SECISBP2L: variants seen among roughly 807,000 people sequenced by gnomAD.
SECISBP2L encodes SECIS binding protein 2 like.
A neutral mutation model predicts 114.7 loss-of-function variants in SECISBP2L; 43 were observed. The ratio of observed to expected loss-of-function variants is 0.38; its 90% CI spans 0.29 to 0.48. The LOEUF (loss-of-function observed/expected upper bound fraction) is 0.48, where lower values mean the gene tolerates loss of function less well. Among genes scored for constraint, SECISBP2L ranks in the 20% least tolerant of loss-of-function variants. The pLI is 0.98. For missense variants in SECISBP2L, 1,136 were observed against 1,301.1 expected, an observed-to-expected ratio of 0.87 and a Z score of 1.95; for synonymous variants, 451 against 439.7, an observed-to-expected ratio of 1.03 and a Z score of -0.32.
Position 49,009,289 on chromosome 15 carries a change from G to A in SECISBP2L, c.1954C>T (p.Pro652Ser), listed in dbSNP as rs895465618. ...GGACTGCCTATTCCAGAACTAGCAG[G>A]AGAGCCTTGTGACACAGGTGTCATA... ...YCMTPVSQGS[P>S]ASSGIGSPMA... Residue 652 changes from proline (P) to serine (S), a missense_variant, in exon 14 of 18, where the codon CCT becomes TCT. Physicochemically the swap from Pro to Ser is moderately conservative, Grantham distance 74. Around this residue, in one of 2 missense-constraint regions of SECISBP2L, gnomAD observed 684 missense variants for 848.7 expected, o/e 0.81. Transcript: ENST00000559471. 1.1e-5 allele frequency: 18 copies of A among 1,614,122 alleles called. No homozygotes were observed. The highest frequency in any genetic ancestry group is 2.2e-5 in the East Asian group (1 of 44,874).
At chr15:49,045,114 G>A (rs1489092497) in intron 1 of SECISBP2L, among the ~76,000 whole-genome samples, 3 of 151,916 alleles carry the variant, frequency 2.0e-5, no homozygotes, top group Non-Finnish European at 4.4e-5. Context: ...ATTTCTCTTT[G>A]GTAATTCCAT....
Position 49,035,611 on chromosome 15 carries a change from G to A in SECISBP2L, c.251C>T (p.Pro84Leu), listed in dbSNP as rs970042405. 6.2e-7 allele frequency: 1 copy of A among 1,613,934 alleles called. No homozygotes were observed. The highest frequency in any genetic ancestry group is 8.5e-7 in the Non-Finnish European group (1 of 1,179,956). Residue 84 changes from proline (P) to leucine (L), a missense_variant, in exon 3 of 18, where the codon CCA becomes CTA. By Grantham distance (98) the Pro-to-Leu change is moderately conservative. Around this residue, in one of 2 missense-constraint regions of SECISBP2L, gnomAD observed 452 missense variants for 452.3 expected, o/e 1.00. Coordinates refer to ENST00000559471, the MANE Select transcript of SECISBP2L (RefSeq NM_001193489.2). ...GGCAAAGTATGGTCCAGTAGGGTTT[G>A]GATTGGGTTGTTGCCATCGTATATC... Reference protein sequence around the residue: ...NNDIRWQQPNPNPTGPYFAYP... With the variant: ...NNDIRWQQPNLNPTGPYFAYP...
chr15:49,016,443 C>A, intron 11 of SECISBP2L, 117 bp downstream of exon 11: 1 of 663,512 alleles, frequency 1.5e-6, no homozygotes, highest in South Asian at 3.5e-5. Context: ...CATATATATA[C>A]ACACACACAC....
At chr15:48,999,085 C>T (rs1902152084) in intron 16 of SECISBP2L, among the ~76,000 whole-genome samples, 1 of 152,090 alleles carries the variant, frequency 6.6e-6, no homozygotes, top group African/African-American at 2.4e-5. Flanking sequence ...TATTTATATG[C>T]TCATAGAGCA....
chr15:49,006,769 T>C (rs1902332020), intron 14 of SECISBP2L, among the ~76,000 whole-genome samples: 1 of 152,160 alleles, frequency 6.6e-6, no homozygotes, highest in Non-Finnish European at 1.5e-5. Context: ...AGTTTGTTAT[T>C]ACCCACCTTC....
chr15:49,005,926 G>A (rs1902314765), intron 14 of SECISBP2L, among the ~76,000 whole-genome samples: 1 of 151,906 alleles, frequency 6.6e-6, no homozygotes, highest in South Asian at 2.1e-4. Flanking sequence ...CTTCCTTCAG[G>A]AGCTCTTGTA....
intron 7 of SECISBP2L, among the ~76,000 whole-genome samples, chr15:49,020,134 C>T (rs1902612236): frequency 1.3e-5 from 2 of 152,122 alleles, no homozygotes; most frequent in South Asian, 2.1e-4. Flanking sequence ...TTGACTGTAT[C>T]GAGGCCAATA....
chr15:49,016,474 A>G, intron 11 of SECISBP2L, 86 bp downstream of exon 11: 1 of 1,210,960 alleles, frequency 8.3e-7, no homozygotes, highest in Non-Finnish European at 1.2e-6. Flanking sequence ...ACACATACAT[A>G]TATAAAATTT....
intron 1 of SECISBP2L, among the ~76,000 whole-genome samples, chr15:49,044,195 T>G (rs1348261144): frequency 4.6e-5 from 7 of 152,106 alleles, no homozygotes; most frequent in Non-Finnish European, 8.8e-5. Context: ...AAATGGAAAT[T>G]GACACATATT....
Position 49,011,786 on chromosome 15 carries a change from T to C in SECISBP2L, c.1809A>G (p.Thr603=). 6.2e-7 allele frequency: 1 copy of C among 1,614,158 alleles called. No homozygotes were observed. Among genetic ancestry groups the C allele is most frequent in the Non-Finnish European group, 8.5e-7 (1 of 1,180,000 alleles). Residue 603 remains threonine (T), a synonymous_variant, in exon 13 of 18, where the codon ACA becomes ACG. Coordinates refer to ENST00000559471, the MANE Select transcript of SECISBP2L (RefSeq NM_001193489.2). ...DHNLLGSEEP[T]EMHLDFIDDL... ...CATCAATAAAATCTAAGTGCATTTC[T>C]GTTGGTTCCTCGGATCCCAAAAGAT...
In SECISBP2L at chr15:48,989,543, C is replaced by G. The variant is rs1212955384; in HGVS notation, c.*2701G>C. 1 of 152,488 alleles carries G rather than the reference C, an allele frequency of 6.6e-6. No homozygotes were observed. The highest frequency in any genetic ancestry group is 1.5e-5 in the Non-Finnish European group (1 of 67,992). 9.4% of individuals were successfully genotyped at this position (152,488 alleles called of 1,614,324 possible). On this transcript the variant is annotated 3_prime_UTR_variant, in exon 18 of 18. Transcript: ENST00000559471. ...AAACATATTTAAACCGAAAATTAAG[C>G]TAATATGAACATCTGTCTTTTGAGA... is the stretch of plus-strand genomic sequence containing the variant.
chr15:49,042,565 A>C (rs1024322438), intron 1 of SECISBP2L: 2 of 152,270 alleles, frequency 1.3e-5, no homozygotes, highest in African/African-American at 2.4e-5. Context: ...AGTCCAGAAC[A>C]CCGAGGTAGG....
At position 49,012,720 on chromosome 15, in the gene SECISBP2L, A is replaced by C; in HGVS notation, c.1659T>G (p.Ile553Met). ...TTCCTTTTTTTGCTTTAGAAGAAGC[A>C]ATGTCCACAGAATTAAAGGATGTCA... is the stretch of plus-strand genomic sequence containing the variant. ...PCLTSFNSVD[I>M]ASSKAKKGKE... Residue 553 changes from isoleucine to methionine, a missense_variant, in exon 12 of 18, where the codon ATT becomes ATG. Ile to Met is a conservative substitution (Grantham distance 10). Coordinates refer to ENST00000559471, the MANE Select transcript of SECISBP2L (RefSeq NM_001193489.2). The C allele has an allele frequency of 6.2e-7, 1 of 1,613,944 alleles. No individual in the cohort carries two copies. Among genetic ancestry groups the C allele is most frequent in the Non-Finnish European group, 8.5e-7 (1 of 1,179,938 alleles).
chr15:49,038,357 A>C (rs1420994625), intron 1 of SECISBP2L, among the ~76,000 whole-genome samples: 1 of 152,060 alleles, frequency 6.6e-6, no homozygotes, highest in Non-Finnish European at 1.5e-5. Flanking sequence ...AACTAAAGTA[A>C]TCCAAGATAT....
chr15:49,037,599 C>T lies in SECISBP2L; in HGVS notation c.195G>A (p.Gln65=), dbSNP rs763018307. 3.6e-5 allele frequency: 58 copies of T among 1,612,714 alleles called. No homozygotes were observed. The highest frequency in any genetic ancestry group is 3.2e-4 in the Admixed American group (19 of 59,878). ...AAAAATAAACAAATTACCTATTGGA[C>T]TGGTTTTCCTGCACAAATGGGTAAC... The part of the protein sequence containing the change: ...ITCYPFVQEN[Q]SNRQFPLYNN... Residue 65 remains glutamine, a synonymous_variant, in exon 2 of 18, where the codon CAG becomes CAA. Transcript: ENST00000559471.
In SECISBP2L at chr15:48,996,492, G is replaced by C. The variant is rs748196694; in HGVS notation, c.2498C>G (p.Ala833Gly). Residue 833 changes from alanine (A) to glycine (G), a missense_variant, in exon 17 of 18, where the codon GCC (alanine) becomes GGC (glycine). Ala to Gly is a moderately conservative substitution (Grantham distance 60, BLOSUM62 0). Around this residue, in one of 2 missense-constraint regions of SECISBP2L, gnomAD observed 684 missense variants for 848.7 expected, o/e 0.81. Transcript: ENST00000559471. ...AAMEQEQAEE[A>G]LKNVKKVPHH... is the part of the protein sequence containing the mutation. ...TGGTACCTTCTTCACATTCTTTAAG[G>C]CTTCCTCAGCCTGCTCCTGTTCCAT... 6.2e-6 allele frequency: 10 copies of C among 1,613,886 alleles called. No individual in the cohort carries two copies. The highest frequency in any genetic ancestry group is 8.5e-6 in the Non-Finnish European group (10 of 1,179,972).
chr15:48,999,692 A>C, intron 16 of SECISBP2L, 141 bp downstream of exon 16: 2 of 883,876 alleles, frequency 2.3e-6, no homozygotes, highest in Non-Finnish European at 3.3e-6. Context: ...TGTAATACTC[A>C]AAAAATTTCC....
rs148231815 is a variant in SECISBP2L at position 49,044,194 on chromosome 15, T to C, written c.24+2082A>G. ...AACATTCTGTGAGGAAAAATGGAAA[T>C]TGACACATATTACATATACTTTTCA... On this transcript the variant is annotated intron_variant, in intron 1 of 17. Transcript: ENST00000559471. Among the ~76,000 whole-genome samples the C allele has an allele frequency of 4.3e-3, 659 of 152,212 alleles. 5 individuals are homozygous for C. Among genetic ancestry groups the C allele is most frequent in the South Asian group, 0.017 (84 of 4,820 alleles).
rs1432890591 is a variant in SECISBP2L at position 49,019,479 on chromosome 15, T to C, written c.1109A>G (p.Lys370Arg). The C allele has an allele frequency of 6.6e-7, 1 of 1,513,018 alleles. No individual in the cohort carries two copies. Among genetic ancestry groups the C allele is most frequent in the East Asian group, 2.6e-5 (1 of 38,960 alleles). The allele number at this position is 1,513,018 out of a possible 1,614,324, so 93.7% of individuals were successfully genotyped here. The change falls in exon 8 of 18, where the codon AAG (lysine) becomes AGG (arginine). Residue 370 changes from lysine (K) to arginine (R), a missense_variant. Physicochemically the swap from Lys to Arg is conservative, Grantham distance 26. This residue lies in a region of SECISBP2L where 452 missense variants were observed against 452.3 expected (regional missense o/e 1.00). Transcript: ENST00000559471. ...ATGGGATTGACTAGAGCTTAAATGC[T>C]TATTATCTGGTCTCTTTTGCAAATT... Reference protein sequence around the residue: ...RQNLQKRPDNKHLSSSQSHRS... With the variant: ...RQNLQKRPDNRHLSSSQSHRS...
Sources: allele counts gnomAD v4.1 joint callset (sites outside exome capture counted in the v4.1 genomes callset), GRCh38; gene constraint gnomAD v4.1.1; regional missense constraint gnomAD v4.1.1; transcripts MANE v1.5; gene names NCBI Gene and HGNC (gene_info 2026-07-23, HGNC 2026-07-21).